Variants in FANCB observed in about 807,000 individuals in gnomAD.
FANCB encodes the protein FA complementation group B, also known as Fanconi anemia group B protein.
FANCB carries 5 observed loss-of-function variants against 38.9 expected under a neutral mutation model. That is an observed-to-expected ratio of 0.13 (90% confidence interval 0.07 to 0.27). FANCB has a LOEUF of 0.27. Among genes scored for constraint, FANCB ranks in the 10% least tolerant of loss-of-function variants. The pLI is 1.00. For synonymous variants in FANCB, 236 were observed against 215.4 expected, an observed-to-expected ratio of 1.10 and a Z score of -0.84; for missense variants, 573 against 602.7, an observed-to-expected ratio of 0.95 and a Z score of 0.52.
chrX:14,783,695 G>C, the FANCB span, among the ~76,000 whole-genome samples: 4 of 111,978 alleles, frequency 3.6e-5, no homozygotes, highest in South Asian at 1.5e-3. Context: ...TATATAAAAA[G>C]AATGGAATTC....
the FANCB span, among the ~76,000 whole-genome samples, chrX:14,748,747 G>A: frequency 2.7e-5 from 3 of 111,983 alleles, no homozygotes; most frequent in Admixed American, 9.4e-5. Flanking sequence ...ATCACTATCC[G>A]GAAAGGAACT....
chrX:14,851,890 C>T (rs2092403291), intron 6 of FANCB, among the ~76,000 whole-genome samples: 1 of 111,254 alleles, frequency 9.0e-6, no homozygotes, highest in African/African-American at 3.3e-5. Flanking sequence ...GGACCCAAAC[C>T]CTTACATGGC....
chrX:14,712,518 A>C, the FANCB span, among the ~76,000 whole-genome samples: 2 of 111,091 alleles, frequency 1.8e-5, no homozygotes, highest in Non-Finnish European at 3.8e-5. Context: ...AAAAAAAAAA[A>C]CTATAGTTGC....
the FANCB span, among the ~76,000 whole-genome samples, chrX:14,830,178 T>C: frequency 1.8e-5 from 2 of 111,978 alleles, no homozygotes; most frequent in African/African-American, 6.5e-5. Context: ...TGCCATCTTA[T>C]ATGGGTGTGG....
At chrX:14,720,036 G>A in the FANCB span, among the ~76,000 whole-genome samples, 1 of 111,706 alleles carries the variant, frequency 9.0e-6, no homozygotes, top group South Asian at 3.8e-4. Context: ...TAGAGGAAGA[G>A]AAGGGTAGAA....
the FANCB span, among the ~76,000 whole-genome samples, chrX:14,814,157 C>T: frequency 9.0e-6 from 1 of 111,333 alleles, no homozygotes; most frequent in African/African-American, 3.3e-5. Context: ...TTCCTTACAC[C>T]TTATACAAAA....
the FANCB span, among the ~76,000 whole-genome samples, chrX:14,771,257 T>C: frequency 9.0e-6 from 1 of 111,563 alleles, no homozygotes; most frequent in Admixed American, 9.5e-5. Context: ...TCCCTGTCTC[T>C]CTCAGGTACC....
chrX:14,736,559 G>A, the FANCB span, among the ~76,000 whole-genome samples: 1 of 111,171 alleles, frequency 9.0e-6, no homozygotes. Flanking sequence ...CACCCTCCGT[G>A]GGCTGCACCC....
the FANCB span, among the ~76,000 whole-genome samples, chrX:14,802,891 G>A: frequency 1.8e-5 from 2 of 111,567 alleles, no homozygotes; most frequent in African/African-American, 6.5e-5. Context: ...TGGACACTTG[G>A]ATCTGGCATT....
the FANCB span, among the ~76,000 whole-genome samples, chrX:14,744,683 A>G: frequency 8.9e-6 from 1 of 112,321 alleles, no homozygotes; most frequent in Non-Finnish European, 1.9e-5. Flanking sequence ...GGAAAATGGA[A>G]TTGCTTTTCT....
At chrX:14,765,513 G>A in the FANCB span, among the ~76,000 whole-genome samples, 1 of 112,529 alleles carries the variant, frequency 8.9e-6, no homozygotes, top group Non-Finnish European at 1.9e-5. Flanking sequence ...CAGTTGAAGA[G>A]TAAGAAGATA....
chrX:14,813,160 G>A, the FANCB span, among the ~76,000 whole-genome samples: 3,139 of 108,655 alleles, frequency 0.029, 66 homozygotes, highest in African/African-American at 0.034. Flanking sequence ...TTGATGGGAT[G>A]TATCTCAAAA....
At chrX:14,831,703 T>C, downstream of FANCB, among the ~76,000 whole-genome samples, 1 of 111,763 alleles carries the variant, frequency 8.9e-6, no homozygotes, top group East Asian at 2.8e-4. Flanking sequence ...AGTCATTGAA[T>C]GAACACTGAA....
the FANCB span, among the ~76,000 whole-genome samples, chrX:14,713,546 A>G: frequency 8.0e-5 from 9 of 112,423 alleles, no homozygotes; most frequent in African/African-American, 9.7e-5. Context: ...GATTTTGAAC[A>G]GAAAGCCAAA....
At chrX:14,862,796 G>A (rs1337560525) in intron 3 of FANCB, among the ~76,000 whole-genome samples, 1 of 111,814 alleles carries the variant, frequency 8.9e-6, no homozygotes, top group East Asian at 2.8e-4. Flanking sequence ...AGGAAAATGA[G>A]TTCACAAGAA....
At chrX:14,709,103 T>C in the FANCB span, among the ~76,000 whole-genome samples, 1 of 111,120 alleles carries the variant, frequency 9.0e-6, no homozygotes. Context: ...GGCCCAGTGG[T>C]GCATGCCTGT....
the FANCB span, among the ~76,000 whole-genome samples, chrX:14,776,113 T>C: frequency 5.1e-4 from 1 of 1,962 alleles, no homozygotes; most frequent in Non-Finnish European, 8.1e-4. Flanking sequence ...TCGAAATCAC[T>C]GGGGTGGGGG....
At chrX:14,854,402 A>T (rs2092414824) in intron 5 of FANCB, among the ~76,000 whole-genome samples, 2 of 111,994 alleles carry the variant, frequency 1.8e-5, no homozygotes, top group Non-Finnish European at 3.8e-5. Flanking sequence ...TAGAGTAGTT[A>T]AATAATCTTG....
chrX:14,741,854 T>G, the FANCB span, among the ~76,000 whole-genome samples: 1 of 111,875 alleles, frequency 8.9e-6, no homozygotes, highest in African/African-American at 3.2e-5. Flanking sequence ...CTGGGTTAGA[T>G]TTTTTTAAAA....
Sources: allele counts gnomAD v4.1 joint callset (sites outside exome capture counted in the v4.1 genomes callset), GRCh38; gene constraint gnomAD v4.1.1; transcripts MANE v1.5; gene names NCBI Gene and HGNC (gene_info 2026-07-23, HGNC 2026-07-21).